Variants in PSIP1 observed in about 807,000 individuals in gnomAD.
PSIP1 encodes PC4 and SFRS1-interacting protein.
In PSIP1, 19 loss-of-function variants were observed where a neutral mutation model predicts 74.7. That is an observed-to-expected ratio of 0.25 (90% CI 0.18 to 0.37). The LOEUF (loss-of-function observed/expected upper bound fraction) is 0.37. Among genes scored for constraint, PSIP1 ranks in the 10% least tolerant of loss-of-function variants. The pLI is 1.00. For missense variants in PSIP1, 601 were observed against 614.3 expected (o/e 0.98, Z 0.23); for synonymous variants, 222 against 195.3 (o/e 1.14, Z -1.14).
Position 15,465,266 on chromosome 9 carries a change from A to G in PSIP1, c.*254T>C, listed in dbSNP as rs989910854. The G allele has an allele frequency of 1.4e-5, 6 of 414,292 alleles. No individual in the cohort carries two copies. The highest frequency in any genetic ancestry group is 2.1e-5 in the Non-Finnish European group (5 of 235,954). 25.7% of individuals were successfully genotyped at this position (414,292 alleles called of 1,614,324 possible). On this transcript the variant is annotated 3_prime_UTR_variant, in exon 16 of 16. Coordinates refer to ENST00000380733, the MANE Select transcript of PSIP1 (RefSeq NM_033222.5). Reference sequence around the variant, plus strand: ...CACTAATTGAAAATATGCTACAACCATGTCTGGAAAAGCAGTTTAACATTT... The same window carrying G: ...CACTAATTGAAAATATGCTACAACCGTGTCTGGAAAAGCAGTTTAACATTT...
Position 15,474,063 on chromosome 9 carries a change from C to T in PSIP1, c.804G>A (p.Gly268=). 6.2e-7 allele frequency: 1 copy of T among 1,613,454 alleles called. No homozygotes were observed. The highest frequency in any genetic ancestry group is 8.5e-7 in the Non-Finnish European group (1 of 1,179,872). Residue 268 remains glycine, a synonymous_variant, in exon 9 of 16, where the codon GGG becomes GGA. Coordinates refer to ENST00000380733, the MANE Select transcript of PSIP1 (RefSeq NM_033222.5). ...ESKRKNLAKT[G]VTSTSDSEEE... ...CTTCAGAATCGGAGGTTGAAGTAAC[C>T]CCTGTTTTAGCTAAATTTTTCCTTT...
At chr9:15,466,979 C>A in intron 14 of PSIP1, 120 bp from the exon 15 acceptor site, 2 of 708,402 alleles carry the variant, frequency 2.8e-6, no homozygotes, top group South Asian at 1.7e-5. Flanking sequence ...TACTTAATGT[C>A]TTTTATTTGA....
At chr9:15,476,291 T>C (rs994544534) in intron 8 of PSIP1, among the ~76,000 whole-genome samples, 1 of 152,204 alleles carries the variant, frequency 6.6e-6, no homozygotes, top group African/African-American at 2.4e-5. Flanking sequence ...ACCTAAAACA[T>C]GTAGTCACTT....
intron 3 of PSIP1, among the ~76,000 whole-genome samples, chr9:15,492,656 C>T (rs1376907627): frequency 6.6e-6 from 1 of 152,224 alleles, no homozygotes; most frequent in African/African-American, 2.4e-5. Flanking sequence ...CCCTTCCACA[C>T]AGTCCTAGCA....
intron 3 of PSIP1, among the ~76,000 whole-genome samples, chr9:15,502,124 G>A (rs1287460199): frequency 6.6e-6 from 1 of 151,984 alleles, no homozygotes; most frequent in Non-Finnish European, 1.5e-5. Context: ...GATCTGAGGT[G>A]GAACAGTTTT....
At chr9:15,467,057 G>A (rs532860665) in intron 14 of PSIP1, among the ~76,000 whole-genome samples, 198 bp from the exon 15 acceptor site, 1 of 152,004 alleles carries the variant, frequency 6.6e-6, no homozygotes, top group Non-Finnish European at 1.5e-5. Flanking sequence ...TCAAAAAGGG[G>A]AGCAGATGAC....
chr9:15,489,285 G>C (rs1009493510), intron 4 of PSIP1: 1 of 152,032 alleles, frequency 6.6e-6, no homozygotes, highest in Non-Finnish European at 1.5e-5. Context: ...TAACTCATGA[G>C]GTTCATATTC....
At chr9:15,480,921 A>C (rs182019897) in intron 6 of PSIP1, among the ~76,000 whole-genome samples, 13 of 152,342 alleles carry the variant, frequency 8.5e-5, no homozygotes, top group African/African-American at 3.1e-4. Context: ...ACTGTCTCAA[A>C]AAAACAAAAC....
At position 15,494,051 on chromosome 9, in the gene PSIP1, GATATAC is replaced by G. The variant is rs145036185; in HGVS notation, c.150-3933_150-3928del. Among the ~76,000 whole-genome samples, 271 of 152,202 alleles carry G rather than the reference GATATAC, an allele frequency of 1.8e-3. 1 individual carries two copies. In the East Asian group the frequency reaches 0.029, roughly 16 times the overall value. On this transcript the variant is annotated intron_variant, in intron 3 of 15. Transcript: ENST00000380733. ...TGTTGATAATTTTACTATGACAGCT[GATATAC>G]ATATACTCCCCAAAGCAACAGGAAA...
chr9:15,478,218 T>C (rs1053471666), intron 8 of PSIP1, among the ~76,000 whole-genome samples: 1 of 151,928 alleles, frequency 6.6e-6, no homozygotes, highest in East Asian at 1.9e-4. Flanking sequence ...AATTTCTCTA[T>C]TATATATTTT....
chr9:15,484,806 G>C (rs889659520), intron 6 of PSIP1, among the ~76,000 whole-genome samples: 1 of 151,746 alleles, frequency 6.6e-6, no homozygotes, highest in Non-Finnish European at 1.5e-5. Flanking sequence ...CCAGCTACTT[G>C]GGAGGCCGAG....
Position 15,504,421 on chromosome 9 carries a change from G to A in PSIP1, c.149+2140C>T, listed in dbSNP as rs377529136. 3.9e-5 allele frequency among the ~76,000 whole-genome samples: 6 copies of A among 152,164 alleles called. No homozygotes were observed. The East Asian group carries it at 7.7e-4, about 20-fold the overall frequency. ...CCTCTTCTAAATTTAAAATAGTAAC[G>A]TAAGAATGGACTGTGTATTCTGTAA... On this transcript the variant is annotated intron_variant, in intron 3 of 15. Coordinates refer to ENST00000380733, the MANE Select transcript of PSIP1 (RefSeq NM_033222.5).
chr9:15,482,518 A>G (rs2132100105), intron 6 of PSIP1, among the ~76,000 whole-genome samples: 1 of 152,062 alleles, frequency 6.6e-6, no homozygotes, highest in East Asian at 1.9e-4. Flanking sequence ...GTCCCAAGAA[A>G]TTTTCAGAGC....
intron 2 of PSIP1, among the ~76,000 whole-genome samples, chr9:15,508,629 C>A (rs115016854): frequency 0.017 from 2,645 of 152,218 alleles, 47 homozygotes; most frequent in Non-Finnish European, 0.027. Context: ...TTTTCAAACA[C>A]CTCAAAATAA....
chr9:15,495,416 T>C (rs1244563604), intron 3 of PSIP1, among the ~76,000 whole-genome samples: 1 of 152,184 alleles, frequency 6.6e-6, no homozygotes, highest in African/African-American at 2.4e-5. Context: ...TTCTGTGACC[T>C]TTAAAATTTG....
chr9:15,478,080 T>C (rs77793184), intron 8 of PSIP1, among the ~76,000 whole-genome samples: 6,371 of 148,274 alleles, frequency 0.043, 457 homozygotes, highest in African/African-American at 0.15. Flanking sequence ...CAGTGTGCGA[T>C]TGCAGCACTG....
chr9:15,509,095 A>T (rs935485782), intron 2 of PSIP1, among the ~76,000 whole-genome samples: 7 of 152,350 alleles, frequency 4.6e-5, no homozygotes, highest in Non-Finnish European at 8.8e-5. Context: ...TCCGTTATCT[A>T]ATGGGTGTTT....
chr9:15,471,606 G>C (rs2035834214), intron 10 of PSIP1: 1 of 950,040 alleles, frequency 1.1e-6, no homozygotes, highest in East Asian at 1.2e-4. Flanking sequence ...AGTGCTTAAA[G>C]TCTAACATTA....
chr9:15,504,838 C>T (rs1050562696), intron 3 of PSIP1: 8 of 152,002 alleles, frequency 5.3e-5, no homozygotes, highest in Non-Finnish European at 8.8e-5. Flanking sequence ...TGTCCACTCA[C>T]ATTACTACAG....
Sources: gnomAD v4.1 joint callset for allele counts (sites outside exome capture counted in the v4.1 genomes callset) on GRCh38, gnomAD v4.1.1 for gene constraint, MANE v1.5 for transcripts, NCBI Gene and HGNC (gene_info 2026-07-23, HGNC 2026-07-21) for gene names.